LINGO2: variants seen among roughly 807,000 people sequenced by gnomAD.
LINGO2 encodes leucine rich repeat and Ig domain containing 2, also known as leucine-rich repeat and immunoglobulin-like domain-containing nogo receptor-interacting protein 2.
A neutral mutation model predicts 30.6 loss-of-function variants in LINGO2; 14 were observed. The ratio of observed to expected loss-of-function variants is 0.46; its 90% CI spans 0.30 to 0.72. The LOEUF is 0.72. Among genes scored for constraint, LINGO2 ranks in the 30% least tolerant of loss-of-function variants. The probability of loss-of-function intolerance (pLI) is 0.07; values close to 1 mark genes in which losing one functional copy is unlikely to be tolerated. For synonymous variants in LINGO2, 317 were observed against 288.5 expected, an observed-to-expected ratio of 1.10 and a Z score of -1.00; for missense variants, 729 against 751.7, an observed-to-expected ratio of 0.97 and a Z score of 0.35.
At chr9:28,347,661 A>G (rs543812601) in intron 3 of LINGO2, among the ~76,000 whole-genome samples, 5 of 152,330 alleles carry the variant, frequency 3.3e-5, no homozygotes, top group African/African-American at 9.6e-5. Context: ...AAGTTGCTCA[A>G]TTCTGAAAAT....
chr9:28,286,867 T>C (rs1823527983), intron 4 of LINGO2, among the ~76,000 whole-genome samples: 4 of 152,246 alleles, frequency 2.6e-5, no homozygotes, highest in South Asian at 2.1e-4. Context: ...GGTACTAGAC[T>C]TAACACCTGG....
the LINGO2 span, among the ~76,000 whole-genome samples, chr9:29,048,596 C>G: frequency 6.6e-6 from 1 of 152,052 alleles, no homozygotes; most frequent in African/African-American, 2.4e-5. Context: ...GTAACCAAAA[C>G]AGCATGTTAC....
intron 3 of LINGO2, among the ~76,000 whole-genome samples, chr9:28,303,265 T>C (rs1429937950): frequency 6.6e-6 from 1 of 152,178 alleles, no homozygotes; most frequent in African/African-American, 2.4e-5. Context: ...CATGCTCCTC[T>C]TTCTACTAAT....
chr9:28,150,460 T>C (rs1194019194), intron 4 of LINGO2, among the ~76,000 whole-genome samples: 1 of 152,218 alleles, frequency 6.6e-6, no homozygotes, highest in Non-Finnish European at 1.5e-5. Flanking sequence ...GGTTTGTGCC[T>C]GTGGTCCCAG....
rs117632539 is a variant in LINGO2 at position 27,983,575 on chromosome 9, A to G, written c.-36+28780T>C. Among the ~76,000 whole-genome samples the G allele has an allele frequency of 5.0e-3, 757 of 151,992 alleles. 4 individuals are homozygous for G. The highest frequency in any genetic ancestry group is 0.01 in the Middle Eastern group (3 of 294). The stretch of plus-strand genomic sequence containing the variant: ...CATCCTGCATCCCACTAACTGTGTG[A>G]CCTTACATCAGTCATTGTATCTTAC... On this transcript the variant is annotated intron_variant, in intron 5 of 5. Transcript: ENST00000379992.
chr9:28,947,992 T>A, the LINGO2 span, among the ~76,000 whole-genome samples: 1 of 152,034 alleles, frequency 6.6e-6, no homozygotes, highest in East Asian at 1.9e-4. Context: ...TCAGCTAAAA[T>A]TCCACATCAT....
intron 4 of LINGO2, among the ~76,000 whole-genome samples, chr9:28,014,104 C>T (rs985281716): frequency 2.0e-5 from 3 of 152,078 alleles, no homozygotes; most frequent in Admixed American, 2.0e-4. Context: ...GACGTGGTTA[C>T]CACTCAGAAA....
At chr9:28,494,808 G>A (rs1819535864) in intron 1 of LINGO2, among the ~76,000 whole-genome samples, 1 of 152,162 alleles carries the variant, frequency 6.6e-6, no homozygotes, top group Non-Finnish European at 1.5e-5. Flanking sequence ...CTTCCACAAT[G>A]GTTGAACAAC....
intron 1 of LINGO2, among the ~76,000 whole-genome samples, chr9:28,576,829 T>A (rs1184193384): frequency 6.6e-6 from 1 of 152,188 alleles, no homozygotes; most frequent in African/African-American, 2.4e-5. Flanking sequence ...AAGCATAAAT[T>A]CTTTTCAAAT....
At chr9:28,924,295 A>C in the LINGO2 span, among the ~76,000 whole-genome samples, 2 of 151,916 alleles carry the variant, frequency 1.3e-5, no homozygotes, top group Non-Finnish European at 2.9e-5. Flanking sequence ...ATCTCAGCTC[A>C]CTGTTCAATC....
At chr9:28,936,436 A>G in the LINGO2 span, among the ~76,000 whole-genome samples, 1 of 152,176 alleles carries the variant, frequency 6.6e-6, no homozygotes, top group East Asian at 1.9e-4. Context: ...CCCTTAAATC[A>G]TCTTATTTAA....
At chr9:28,943,916 G>C in the LINGO2 span, among the ~76,000 whole-genome samples, 9 of 152,278 alleles carry the variant, frequency 5.9e-5, no homozygotes, top group African/African-American at 1.9e-4. Flanking sequence ...AGGAACCATA[G>C]TGTGCTAAAC....
At chr9:28,117,728 T>C (rs900563362) in intron 4 of LINGO2, among the ~76,000 whole-genome samples, 7 of 145,564 alleles carry the variant, frequency 4.8e-5, no homozygotes, top group Admixed American at 2.1e-4. Context: ...CCCTGACCCC[T>C]TGCGCTTCCC....
At chr9:28,697,713 G>A in the LINGO2 span, among the ~76,000 whole-genome samples, 1 of 152,048 alleles carries the variant, frequency 6.6e-6, no homozygotes, top group African/African-American at 2.4e-5. Context: ...TTTCATCCTT[G>A]TTGTAACTCT....
chr9:28,342,083 C>T lies in LINGO2; in HGVS notation c.-246+30753G>A, dbSNP rs193255036. Among the ~76,000 whole-genome samples the T allele has an allele frequency of 3.5e-3, 538 of 152,120 alleles. 3 individuals carry two copies. Among genetic ancestry groups the T allele is most frequent in the Non-Finnish European group, 2.7e-3 (181 of 67,972 alleles). On this transcript the variant is annotated intron_variant, in intron 3 of 5. Coordinates refer to ENST00000379992, the Ensembl canonical transcript of LINGO2. ...GAAAGTTCTCCTTCTTCTAAGGGAC[C>T]GTATGTTAACTCTCTTCTCTCTGAA...
At chr9:28,956,488 A>G in the LINGO2 span, among the ~76,000 whole-genome samples, 1 of 152,052 alleles carries the variant, frequency 6.6e-6, no homozygotes, top group Non-Finnish European at 1.5e-5. Context: ...TCACACTGGT[A>G]TTTCCCAGAC....
At chr9:28,929,251 C>G in the LINGO2 span, among the ~76,000 whole-genome samples, 1 of 152,176 alleles carries the variant, frequency 6.6e-6, no homozygotes, top group South Asian at 2.1e-4. Context: ...TACTTAGAGA[C>G]TCAGCCCAAG....
Position 28,219,166 on chromosome 9 carries a change from T to C in LINGO2, c.-87+76042A>G, listed in dbSNP as rs563472485. On this transcript the variant is annotated intron_variant, in intron 4 of 5. Coordinates refer to ENST00000379992, the Ensembl canonical transcript of LINGO2. ...ATCCTGTTAACTATTGCCTGACAAT[T>C]CTCTAAATTCAACTGAAGTTAAGAA... Among the ~76,000 whole-genome samples, 18 of 152,308 alleles carry C rather than the reference T, an allele frequency of 1.2e-4. No individual in the cohort carries two copies. In the South Asian group the frequency reaches 2.9e-3, roughly 25 times the overall value.
At chr9:28,970,535 G>A in the LINGO2 span, among the ~76,000 whole-genome samples, 1 of 152,106 alleles carries the variant, frequency 6.6e-6, no homozygotes, top group Non-Finnish European at 1.5e-5. Flanking sequence ...CCACCCCCCA[G>A]CAGTGGCAGG....
Sources: gnomAD v4.1 joint callset for allele counts (sites outside exome capture counted in the v4.1 genomes callset) on GRCh38, gnomAD v4.1.1 for gene constraint, MANE v1.5 for transcripts, NCBI Gene and HGNC (gene_info 2026-07-23, HGNC 2026-07-21) for gene names.